PDS5B: variants seen among roughly 807,000 people sequenced by gnomAD.
PDS5B encodes PDS5 cohesin associated factor B, also known as sister chromatid cohesion protein PDS5 homolog B.
PDS5B carries 51 observed loss-of-function variants against 184.1 expected under a neutral mutation model. The ratio of observed to expected loss-of-function variants is 0.28; its 90% CI spans 0.22 to 0.35. PDS5B has a LOEUF of 0.35. PDS5B is among the 10% of genes least tolerant of loss of function. The pLI, the probability that PDS5B is intolerant of heterozygous loss-of-function variation, is 1.00. For missense variants in PDS5B, 1,180 were observed against 1,723.3 expected, an observed-to-expected ratio of 0.68 and a Z score of 5.58; for synonymous variants, 566 against 569.2, an observed-to-expected ratio of 0.99 and a Z score of 0.08.
At chr13:32,596,356 G>C (rs1253221308) in intron 1 of PDS5B, among the ~76,000 whole-genome samples, 1 of 152,166 alleles carries the variant, frequency 6.6e-6, no homozygotes, top group East Asian at 1.9e-4. Context: ...GGGGTTGGAT[G>C]TATCAGTTTT....
At chr13:32,760,173 T>A (rs879656097) in intron 29 of PDS5B, among the ~76,000 whole-genome samples, 1 of 152,180 alleles carries the variant, frequency 6.6e-6, no homozygotes, top group Non-Finnish European at 1.5e-5. Flanking sequence ...GCCAGGATGG[T>A]CTCGATCTCC....
rs141196346 is a variant in PDS5B at position 32,636,636 on chromosome 13, A to G, written c.-19-12118A>G. Among the ~76,000 whole-genome samples, 601 of 152,368 alleles carry G rather than the reference A, an allele frequency of 3.9e-3. 5 individuals carry two copies. The highest frequency in any genetic ancestry group is 0.014 in the African/African-American group (573 of 41,592). On this transcript the variant is annotated intron_variant, in intron 1 of 34. Transcript: ENST00000315596. ...TGTTTATAAATGGGCATAATTATAT[A>G]GTTCATCTTAGTAAGAACATTTATT...
chr13:32,629,481 A>G (rs2058422419), intron 1 of PDS5B, among the ~76,000 whole-genome samples: 1 of 152,280 alleles, frequency 6.6e-6, no homozygotes, highest in East Asian at 1.9e-4. Flanking sequence ...AGGGATAAAA[A>G]GGGGTGGTTA....
At chr13:32,704,866 A>G (rs918035271) in intron 17 of PDS5B, among the ~76,000 whole-genome samples, 3 of 152,144 alleles carry the variant, frequency 2.0e-5, no homozygotes, top group Non-Finnish European at 2.9e-5. Context: ...TTGACTTGTT[A>G]TTGTGAATAG....
chr13:32,610,048 G>A (rs1309467013), intron 1 of PDS5B, among the ~76,000 whole-genome samples: 9 of 152,210 alleles, frequency 5.9e-5, no homozygotes, highest in Non-Finnish European at 1.2e-4. Context: ...TAGTGTAAGA[G>A]TTGGCTTATT....
chr13:32,769,963 A>G (rs533591254), intron 31 of PDS5B, among the ~76,000 whole-genome samples, 158 bp from the exon 32 acceptor site: 1 of 152,358 alleles, frequency 6.6e-6, no homozygotes, highest in South Asian at 2.1e-4. Flanking sequence ...AAAAACTATA[A>G]TAAAAGCAAA....
intron 9 of PDS5B, among the ~76,000 whole-genome samples, chr13:32,677,678 C>CT (rs986905908): frequency 6.6e-4 from 98 of 148,120 alleles, no homozygotes; most frequent in Admixed American, 4.7e-3. Context: ...AGAGCATATG[C>CT]TTTTTTTTTT....
intron 19 of PDS5B, among the ~76,000 whole-genome samples, chr13:32,716,813 C>G (rs376823793): frequency 1.0e-5 from 1 of 97,308 alleles, no homozygotes; most frequent in Non-Finnish European, 2.4e-5. Context: ...GCCCCCTGCC[C>G]GGCCAGCCGC....
intron 15 of PDS5B, among the ~76,000 whole-genome samples, chr13:32,697,548 AT>A (rs1170104609): frequency 1.3e-5 from 2 of 152,344 alleles, no homozygotes; most frequent in Admixed American, 6.5e-5. Flanking sequence ...GACACTGAAG[AT>A]AACAGTAAAC....
rs539131033 is a variant in PDS5B at position 32,610,541 on chromosome 13, C to T, written c.-20+23948C>T. ...ATACTGTGATCTTTTCCTTCTTACA[C>T]TTGAGGAGATGGATAGAGTTGCTTA... On this transcript the variant is annotated intron_variant, in intron 1 of 34. Coordinates refer to ENST00000315596, the MANE Select transcript of PDS5B (RefSeq NM_015032.4). Among the ~76,000 whole-genome samples the T allele has an allele frequency of 2.4e-3, 362 of 152,136 alleles. 1 individual carries two copies. The highest frequency in any genetic ancestry group is 8.0e-3 in the African/African-American group (332 of 41,500).
chr13:32,682,055 C>T (rs1951263417), intron 10 of PDS5B, among the ~76,000 whole-genome samples: 1 of 152,146 alleles, frequency 6.6e-6, no homozygotes, highest in Admixed American at 6.5e-5. Flanking sequence ...TTCTCTGCCA[C>T]AGGGGTATAT....
Position 32,651,929 on chromosome 13 carries a change from A to G in PDS5B, c.234A>G (p.Leu78=). ...FLKHPDKDVR[L]LVACCLADIF... The stretch of plus-strand genomic sequence containing the variant: ...AGCATCCTGATAAAGATGTTCGCTT[A>G]CTGGTAGCCTGCTGCCTTGCTGATA... Residue 78 remains leucine (L), a synonymous_variant, in exon 3 of 35, where the codon TTA becomes TTG. Transcript: ENST00000315596. 1 of 1,613,824 alleles carries G rather than the reference A, an allele frequency of 6.2e-7. No individual in the cohort carries two copies. The highest frequency in any genetic ancestry group is 8.5e-7 in the Non-Finnish European group (1 of 1,179,754).
rs4057303 is a variant in PDS5B at position 32,676,932 on chromosome 13, C to CAAAAAAAAAAAAAA, written c.962+984_962+997dup. Among the ~76,000 whole-genome samples, 61 of 78,818 alleles carry CAAAAAAAAAAAAAA rather than the reference C, an allele frequency of 7.7e-4. 1 individual carries two copies. The highest frequency in any genetic ancestry group is 2.9e-3 in the African/African-American group (57 of 19,708). The allele number at this position is 78,818 out of a possible 152,430, so 51.7% of individuals were successfully genotyped here. Reference sequence around the variant, plus strand: ...GGCGACAGAGCGAGACTCTTGTCTCCAAAAAAAAAAAAAAAAAAAAAAAAG... The same window carrying CAAAAAAAAAAAAAA: ...GGCGACAGAGCGAGACTCTTGTCTCCAAAAAAAAAAAAAAAAAAAAAAAAAAAAAAAAAAAAAAG... On this transcript the variant is annotated intron_variant, in intron 9 of 34. Coordinates refer to ENST00000315596, the MANE Select transcript of PDS5B (RefSeq NM_015032.4).
In PDS5B at chr13:32,675,984, A is replaced by G. The variant is rs948478765; in HGVS notation, c.962+25A>G. On this transcript the variant is annotated intron_variant, in intron 9 of 34. Coordinates refer to ENST00000315596, the MANE Select transcript of PDS5B (RefSeq NM_015032.4). ...GGTATATGATTTTGGTTTCCCATTT[A>G]AAAGTAATACATTATTCTACTGACC... 1.0e-5 allele frequency: 14 copies of G among 1,344,022 alleles called. No homozygotes were observed. The African/African-American group carries it at 1.1e-4, about 11-fold the overall frequency. The allele number at this position is 1,344,022 out of a possible 1,614,324, so 83.3% of individuals were successfully genotyped here.
At chr13:32,737,054 C>T (rs1953356799) in intron 21 of PDS5B, among the ~76,000 whole-genome samples, 1 of 152,126 alleles carries the variant, frequency 6.6e-6, no homozygotes, top group East Asian at 1.9e-4. Flanking sequence ...TTAGGCTTAT[C>T]ATCTTGATCT....
At chr13:32,659,988 G>A (rs1950602245) in intron 6 of PDS5B, among the ~76,000 whole-genome samples, 1 of 152,146 alleles carries the variant, frequency 6.6e-6, no homozygotes, top group African/African-American at 2.4e-5. Context: ...AACAGTCTCT[G>A]AATCCTGAAA....
intron 9 of PDS5B, among the ~76,000 whole-genome samples, 175 bp from the exon 10 acceptor site, chr13:32,678,660 G>C (rs1403467328): frequency 6.6e-6 from 1 of 152,162 alleles, no homozygotes; most frequent in East Asian, 1.9e-4. Flanking sequence ...AGAGTTTCCA[G>C]AGCATTCAGA....
intron 30 of PDS5B, among the ~76,000 whole-genome samples, chr13:32,763,250 A>G (rs994034288): frequency 6.6e-6 from 1 of 152,116 alleles, no homozygotes; most frequent in African/African-American, 2.4e-5. Context: ...CAACTGAAAG[A>G]TTTGCCAGGG....
intron 3 of PDS5B, 102 bp downstream of exon 3, chr13:32,652,109 T>C (rs1294732476): frequency 2.4e-6 from 2 of 820,450 alleles, no homozygotes; most frequent in East Asian, 4.9e-5. Context: ...TTGGATTCTT[T>C]GACATTAGCT....
Sources: gnomAD v4.1 joint callset for allele counts (sites outside exome capture counted in the v4.1 genomes callset) on GRCh38, gnomAD v4.1.1 for gene constraint, MANE v1.5 for transcripts, NCBI Gene and HGNC (gene_info 2026-07-23, HGNC 2026-07-21) for gene names.